Variants in KCNK2 observed in about 807,000 individuals in gnomAD.
KCNK2 encodes the protein potassium channel subfamily K member 2.
KCNK2 carries 21 observed loss-of-function variants against 40.5 expected under a neutral mutation model. That is an observed-to-expected ratio of 0.52 (90% CI 0.37 to 0.75). KCNK2 has a LOEUF of 0.75. Ranked by LOEUF, KCNK2 falls within the 30% of genes least tolerant of loss-of-function variation. The pLI is 0.00. For synonymous variants in KCNK2, 191 were observed against 202.2 expected (o/e 0.94, Z 0.47); for missense variants, 399 against 531.6 (o/e 0.75, Z 2.45).
At chr1:215,151,620 G>C (rs1386282227) in intron 3 of KCNK2, among the ~76,000 whole-genome samples, 4 of 151,940 alleles carry the variant, frequency 2.6e-5, no homozygotes, top group Non-Finnish European at 4.4e-5. Flanking sequence ...TTTATGCATA[G>C]ATTTGATAAA....
chr1:215,112,351 A>G (rs1254801803), intron 2 of KCNK2, among the ~76,000 whole-genome samples: 1 of 151,926 alleles, frequency 6.6e-6, no homozygotes, highest in Non-Finnish European at 1.5e-5. Flanking sequence ...AGTTAAAAAA[A>G]TTAAATAGTT....
At chr1:215,116,392 A>C (rs1335167764) in intron 2 of KCNK2, among the ~76,000 whole-genome samples, 2 of 152,090 alleles carry the variant, frequency 1.3e-5, no homozygotes, top group African/African-American at 4.8e-5. Context: ...ATGATTAAAA[A>C]AATCTCCCTA....
At position 215,061,918 on chromosome 1, in the gene KCNK2, T is replaced by A. The variant is rs79724167; in HGVS notation, c.35-24450T>A. Reference sequence around the variant, plus strand: ...GAATAAAGAAGGAATAATTAGTGGATTTCATTTGTTTTACTTTTAAAAGGA... The same window carrying A: ...GAATAAAGAAGGAATAATTAGTGGAATTCATTTGTTTTACTTTTAAAAGGA... On this transcript the variant is annotated intron_variant, in intron 1 of 6. Coordinates refer to the KCNK2 transcript ENST00000391895. 4.5e-4 allele frequency among the ~76,000 whole-genome samples: 68 copies of A among 152,240 alleles called. No individual in the cohort carries two copies. The East Asian group carries it at 0.011, about 24-fold the overall frequency.
At chr1:215,042,379 A>G (rs911502844) in intron 1 of KCNK2, among the ~76,000 whole-genome samples, 2 of 152,158 alleles carry the variant, frequency 1.3e-5, no homozygotes, top group Non-Finnish European at 2.9e-5. Flanking sequence ...CCTGGATAAG[A>G]AAACAAGGGA....
In KCNK2 at chr1:215,209,472, T is replaced by TA. The variant is rs1410327365; in HGVS notation, c.963+14381dup. Among the ~76,000 whole-genome samples, 26 of 24,142 alleles carry TA rather than the reference T, an allele frequency of 1.1e-3. 2 individuals carry two copies. The highest frequency in any genetic ancestry group is 2.3e-3 in the Admixed American group (6 of 2,580). 15.8% of individuals were successfully genotyped at this position (24,142 alleles called of 152,430 possible). A position where few individuals can be genotyped will look rare whatever the true frequency, so the allele number is the denominator to read the frequency against. On this transcript the variant is annotated intron_variant, in intron 6 of 6. Transcript: ENST00000444842. ...TATATATTATATATTATATATAATA[T>TA]ATATTATATATAATACATATATATA...
At chr1:215,047,702 A>G (rs1398892506) in intron 1 of KCNK2, among the ~76,000 whole-genome samples, 1 of 152,176 alleles carries the variant, frequency 6.6e-6, no homozygotes, top group African/African-American at 2.4e-5. Context: ...ATGTTAGAGT[A>G]ATTGAACTTT....
At chr1:215,167,365 C>T (rs1437961513) in intron 3 of KCNK2, among the ~76,000 whole-genome samples, 2 of 151,276 alleles carry the variant, frequency 1.3e-5, no homozygotes, top group African/African-American at 4.9e-5. Flanking sequence ...AAAATATCTG[C>T]TCACATTTTT....
chr1:215,092,712 A>G (rs1180794095), intron 2 of KCNK2, among the ~76,000 whole-genome samples: 1 of 152,142 alleles, frequency 6.6e-6, no homozygotes, highest in Non-Finnish European at 1.5e-5. Flanking sequence ...TCACATAGGG[A>G]TGTGTTTCCT....
intron 3 of KCNK2, among the ~76,000 whole-genome samples, chr1:215,153,918 A>G (rs1662796883): frequency 6.6e-6 from 1 of 152,176 alleles, no homozygotes; most frequent in Non-Finnish European, 1.5e-5. Flanking sequence ...TGCAAAGGAC[A>G]TGATCTCATT....
intron 3 of KCNK2, among the ~76,000 whole-genome samples, chr1:215,137,212 A>G (rs148772981): frequency 1.9e-3 from 288 of 152,334 alleles, no homozygotes; most frequent in Non-Finnish European, 3.3e-3. Context: ...TGTACCAATG[A>G]TCACTTAACA....
At chr1:215,124,573 T>A (rs921908418) in intron 2 of KCNK2, 60 bp from the exon 3 acceptor site, 2 of 927,986 alleles carry the variant, frequency 2.2e-6, no homozygotes, top group Non-Finnish European at 3.6e-6. Context: ...GTGGAATATA[T>A]GCTGTTTGAT....
At chr1:215,071,430 G>T (rs989106418) in intron 1 of KCNK2, among the ~76,000 whole-genome samples, 1 of 152,078 alleles carries the variant, frequency 6.6e-6, no homozygotes, top group African/African-American at 2.4e-5. Context: ...TGTGATTTCC[G>T]AGCTGAGAAC....
chr1:215,108,709 C>A (rs1660546405), intron 2 of KCNK2, among the ~76,000 whole-genome samples: 1 of 136,326 alleles, frequency 7.3e-6, no homozygotes, highest in African/African-American at 2.8e-5. Flanking sequence ...TTTTTAATAC[C>A]AAAAGACAGC....
chr1:215,115,493 G>A (rs2102568981), intron 2 of KCNK2, among the ~76,000 whole-genome samples: 1 of 152,166 alleles, frequency 6.6e-6, no homozygotes, highest in East Asian at 1.9e-4. Context: ...CACGCCTTGG[G>A]CAACATGGTA....
chr1:215,203,598 C>G (rs1002035108), intron 6 of KCNK2, among the ~76,000 whole-genome samples: 4 of 151,534 alleles, frequency 2.6e-5, no homozygotes, highest in Admixed American at 1.3e-4. Context: ...GCTTATAGGT[C>G]TAAACATTTT....
chr1:215,135,571 T>C (rs886388729), intron 3 of KCNK2, among the ~76,000 whole-genome samples: 1 of 151,666 alleles, frequency 6.6e-6, no homozygotes, highest in Non-Finnish European at 1.5e-5. Flanking sequence ...ATTTTTATAA[T>C]ATAAAAATTA....
chr1:215,097,052 T>C (rs1660007001), intron 2 of KCNK2, among the ~76,000 whole-genome samples: 1 of 151,916 alleles, frequency 6.6e-6, no homozygotes, highest in Non-Finnish European at 1.5e-5. Context: ...GCAAGCAGAA[T>C]AATTAATAGA....
chr1:215,203,699 C>CA (rs1665177140), intron 6 of KCNK2, among the ~76,000 whole-genome samples: 1 of 151,964 alleles, frequency 6.6e-6, no homozygotes, highest in Non-Finnish European at 1.5e-5. Context: ...AATTTAATCA[C>CA]AAAACCAGAG....
chr1:215,195,013 T>C lies in KCNK2; in HGVS notation c.884T>C (p.Val295Ala), dbSNP rs746332287. 1 of 1,613,554 alleles carries C rather than the reference T, an allele frequency of 6.2e-7. No homozygotes were observed. The highest frequency in any genetic ancestry group is 2.2e-5 in the East Asian group (1 of 44,796). ...CCTGTCGTGTGGTTCTGGATCCTTG[T>C]AGGGCTTGCTTACTTTGCTGCTGTC... ...YKPVVWFWIL[V>A]GLAYFAAVLS... Residue 295 changes from valine (V) to alanine (A), a missense_variant, in exon 6 of 7, where the codon GTA (valine) becomes GCA (alanine). By Grantham distance (64) the Val-to-Ala change is moderately conservative. Around this residue, in one of 3 missense-constraint regions of KCNK2, gnomAD observed 17 missense variants for 53.4 expected, o/e 0.32. Coordinates refer to ENST00000444842, the MANE Select transcript of KCNK2 (RefSeq NM_001017425.3).
Sources: allele counts gnomAD v4.1 joint callset (sites outside exome capture counted in the v4.1 genomes callset), GRCh38; gene constraint gnomAD v4.1.1; regional missense constraint gnomAD v4.1.1; transcripts MANE v1.5; gene names NCBI Gene and HGNC (gene_info 2026-07-23, HGNC 2026-07-21).